MAMDC2: variants seen among roughly 807,000 people sequenced by gnomAD.
MAMDC2 encodes the protein MAM domain containing 2, also known as MAM domain-containing protein 2.
Under a neutral mutation model 89.8 loss-of-function variants are expected in MAMDC2, and 57 were observed. The observed-to-expected ratio is 0.63, with a 90% CI of 0.51 to 0.79. The LOEUF (loss-of-function observed/expected upper bound fraction) is 0.79. MAMDC2 is among the 30% of genes least tolerant of loss of function. MAMDC2 has a pLI of 0.00. For missense variants in MAMDC2, 800 were observed against 820.6 expected, an observed-to-expected ratio of 0.97 and a Z score of 0.31; for synonymous variants, 313 against 293.4, an observed-to-expected ratio of 1.07 and a Z score of -0.68.
At chr9:70,152,448 A>G (rs887687911) in intron 9 of MAMDC2, among the ~76,000 whole-genome samples, 2 of 152,204 alleles carry the variant, frequency 1.3e-5, no homozygotes, top group African/African-American at 4.8e-5. Flanking sequence ...GCCATTTAAC[A>G]GATGAGGAAT....
chr9:70,062,948 C>T (rs1657112707), intron 2 of MAMDC2: 1 of 152,160 alleles, frequency 6.6e-6, no homozygotes, highest in Non-Finnish European at 1.5e-5. Context: ...ACATCTGTCT[C>T]ACATGGAGCA....
intron 7 of MAMDC2, among the ~76,000 whole-genome samples, chr9:70,138,987 A>G (rs2031099520): frequency 6.6e-6 from 1 of 152,142 alleles, no homozygotes; most frequent in African/African-American, 2.4e-5. Flanking sequence ...TTCATCTTAG[A>G]GACAGATTGA....
intron 9 of MAMDC2, among the ~76,000 whole-genome samples, chr9:70,155,625 C>A (rs1563978419): frequency 6.6e-6 from 1 of 152,150 alleles, no homozygotes; most frequent in Non-Finnish European, 1.5e-5. Context: ...ATCTCAGTAC[C>A]CATTTAAGTT....
chr9:70,126,557 C>A, intron 6 of MAMDC2, 142 bp downstream of exon 6: 1 of 846,640 alleles, frequency 1.2e-6, no homozygotes, highest in Non-Finnish European at 1.8e-6. Context: ...CTTTCTCATC[C>A]TCAGCCCCTC....
chr9:70,109,924 C>A, intron 4 of MAMDC2, 120 bp downstream of exon 4: 1 of 770,524 alleles, frequency 1.3e-6, no homozygotes, highest in Non-Finnish European at 2.2e-6. Context: ...CTGCATAATG[C>A]ATACTGGTTT....
intron 9 of MAMDC2, among the ~76,000 whole-genome samples, chr9:70,161,332 A>C (rs999986778): frequency 2.6e-5 from 4 of 152,216 alleles, no homozygotes; most frequent in Non-Finnish European, 4.4e-5. Context: ...ACACTGAGAA[A>C]AGCTGGAAGC....
chr9:70,125,829 T>C (rs1329824091), intron 5 of MAMDC2, among the ~76,000 whole-genome samples: 1 of 152,162 alleles, frequency 6.6e-6, no homozygotes, highest in Admixed American at 6.5e-5. Flanking sequence ...TCTCCATGGG[T>C]GTGTTCAGCT....
At chr9:70,055,465 G>A (rs570374476) in intron 2 of MAMDC2, among the ~76,000 whole-genome samples, 2 of 152,306 alleles carry the variant, frequency 1.3e-5, no homozygotes, top group African/African-American at 4.8e-5. Flanking sequence ...TTCACTTGGA[G>A]TTGGATGATG....
At chr9:70,079,144 T>A (rs1399626672) in intron 2 of MAMDC2, 1 of 152,226 alleles carries the variant, frequency 6.6e-6, no homozygotes, top group Admixed American at 6.5e-5. Context: ...CACCAACTCC[T>A]GGCCTCTGAT....
At chr9:70,088,429 G>A (rs1015825172) in intron 2 of MAMDC2, 2 of 151,960 alleles carry the variant, frequency 1.3e-5, no homozygotes, top group African/African-American at 2.4e-5. Flanking sequence ...TACTTTTCTC[G>A]ATTCTGCATT....
intron 2 of MAMDC2, among the ~76,000 whole-genome samples, chr9:70,076,589 C>A (rs1044586202): frequency 6.6e-6 from 1 of 152,130 alleles, no homozygotes; most frequent in African/African-American, 2.4e-5. Context: ...CTTCTTCATC[C>A]TTTTCAATTG....
chr9:70,118,197 C>A (rs2118299975), intron 5 of MAMDC2, among the ~76,000 whole-genome samples: 1 of 151,976 alleles, frequency 6.6e-6, no homozygotes, highest in Middle Eastern at 3.4e-3. Context: ...TAGCAGGAAG[C>A]CTGACTGCCT....
chr9:70,143,733 C>T lies in MAMDC2; in HGVS notation c.1318C>T (p.Gln440Ter), dbSNP rs1354174406. 29 of 1,614,022 alleles carry T rather than the reference C, an allele frequency of 1.8e-5. No individual in the cohort carries two copies. The highest frequency in any genetic ancestry group is 2.5e-5 in the Non-Finnish European group (29 of 1,180,022). Residue 440 changes from glutamine (Q) to a stop codon, truncating the protein, a stop_gained, in exon 9 of 14, where the codon CAA (glutamine) becomes TAA (stop). Coordinates refer to ENST00000377182, the MANE Select transcript of MAMDC2 (RefSeq NM_153267.5). LOFTEE classifies it high-confidence loss of function. Reference protein sequence around the residue: ...VYIFEENHVVQEKIWSVLESP... With the variant: ...VYIFEENHVV ...CATCTTTGAAGAGAACCATGTGGTT[C>T]AAGAGAAGATCTGGTCTGTGTTGGA...
At chr9:70,177,274 ACAGT>A (rs2032528333) in intron 11 of MAMDC2, among the ~76,000 whole-genome samples, 1 of 152,176 alleles carries the variant, frequency 6.6e-6, no homozygotes, top group Admixed American at 6.5e-5. Flanking sequence ...TGATACTGTG[ACAGT>A]CAGTCTGATA....
chr9:70,205,922 G>C (rs73450801), intron 11 of MAMDC2, among the ~76,000 whole-genome samples: 106 of 152,302 alleles, frequency 7.0e-4, no homozygotes, highest in African/African-American at 1.8e-3. Flanking sequence ...GTGAGGCAGA[G>C]TGGCTCTGCG....
rs377226999 is a variant in MAMDC2, at chr9:70,170,597, C to A, written c.1617C>A (p.Tyr539Ter). The change falls in exon 11 of 14, where the codon TAC becomes TAA. Residue 539 changes from tyrosine to a stop codon, truncating the protein, a stop_gained. Transcript: ENST00000377182. LOFTEE classifies it high-confidence loss of function. ...GGAGGGGAGAAACTCCCACTTCCTA[C>A]ACAGGACCAAAGGGAGATCACACTA... Reference protein sequence around the residue: ...HRRRGETPTSYTGPKGDHTTG... With the variant: ...HRRRGETPTS 1.2e-5 allele frequency: 19 copies of A among 1,611,952 alleles called. No individual in the cohort carries two copies. The highest frequency in any genetic ancestry group is 1.6e-5 in the Non-Finnish European group (19 of 1,179,310).
chr9:70,103,523 C>G (rs543635417), intron 2 of MAMDC2, among the ~76,000 whole-genome samples: 1 of 150,082 alleles, frequency 6.7e-6, no homozygotes, highest in African/African-American at 2.5e-5. Context: ...AAAGCTGAAA[C>G]AATAAAACTC....
At chr9:70,172,310 C>T (rs978260311) in intron 11 of MAMDC2, among the ~76,000 whole-genome samples, 5 of 152,184 alleles carry the variant, frequency 3.3e-5, no homozygotes, top group Non-Finnish European at 7.4e-5. Flanking sequence ...TACCTCCCCT[C>T]CTGCCCCTCA....
chr9:70,066,592 G>T (rs1827272137), intron 2 of MAMDC2, among the ~76,000 whole-genome samples: 1 of 152,166 alleles, frequency 6.6e-6, no homozygotes, highest in Admixed American at 6.5e-5. Context: ...GCAGGGCCAT[G>T]GTGTATGATG....
Sources: gnomAD v4.1 joint callset for allele counts (sites outside exome capture counted in the v4.1 genomes callset) on GRCh38, gnomAD v4.1.1 for gene constraint, MANE v1.5 for transcripts, NCBI Gene and HGNC (gene_info 2026-07-23, HGNC 2026-07-21) for gene names.